Variants in CEMIP2 observed in about 807,000 individuals in gnomAD.
CEMIP2 encodes cell surface hyaluronidase CEMIP2.
CEMIP2 carries 79 observed loss-of-function variants against 146.9 expected under a neutral mutation model. That is an observed-to-expected ratio of 0.54 (90% CI 0.45 to 0.65). The LOEUF is 0.65. CEMIP2 is among the 30% of genes least tolerant of loss of function. CEMIP2 has a pLI of 0.00. For synonymous variants in CEMIP2, 601 were observed against 606.3 expected (o/e 0.99, Z 0.13); for missense variants, 1,596 against 1,696.2 (o/e 0.94, Z 1.04).
chr9:71,756,352 T>C (rs1044777281), intron 1 of CEMIP2, among the ~76,000 whole-genome samples: 1 of 151,404 alleles, frequency 6.6e-6, no homozygotes, highest in Non-Finnish European at 1.5e-5. Flanking sequence ...TATATGTATA[T>C]ACATACATGT....
intron 11 of CEMIP2, among the ~76,000 whole-genome samples, chr9:71,723,755 A>G (rs1489664622): frequency 2.0e-5 from 3 of 152,106 alleles, no homozygotes; most frequent in Non-Finnish European, 2.9e-5. Flanking sequence ...CAGCAGTTGA[A>G]GCCATAAGGA....
intron 1 of CEMIP2, 58 bp downstream of exon 1, chr9:71,768,299 G>A (rs1262405883): frequency 3.3e-5 from 5 of 149,324 alleles, no homozygotes; most frequent in Non-Finnish European, 7.4e-5. Context: ...AGTGGCCCCC[G>A]AGGGCAGCAA....
At chr9:71,736,786 A>G (rs1300247386) in intron 5 of CEMIP2, among the ~76,000 whole-genome samples, 1 of 152,214 alleles carries the variant, frequency 6.6e-6, no homozygotes, top group African/African-American at 2.4e-5. Flanking sequence ...ACTGACAGAG[A>G]AGGAAAACAT....
Position 71,730,175 on chromosome 9 carries a change from A to G in CEMIP2, c.1852T>C (p.Phe618Leu). 6.2e-7 allele frequency: 1 copy of G among 1,614,212 alleles called. No homozygotes were observed. The change falls in exon 9 of 24, where the codon TTC becomes CTC. Residue 618 changes from phenylalanine to leucine, a missense_variant. Transcript: ENST00000377044. Reference protein sequence around the residue: ...EDGIEQRNTLFHNLGLLTKPG... With the variant: ...EDGIEQRNTLLHNLGLLTKPG... ...TTGGTGAGGAGTCCCAGATTGTGGAACAAAGTATTCCTCTGTTCAATACCA... is the reference window on the plus strand; with the variant it reads ...TTGGTGAGGAGTCCCAGATTGTGGAGCAAAGTATTCCTCTGTTCAATACCA...
chr9:71,741,019 T>G (rs971734806), intron 4 of CEMIP2, among the ~76,000 whole-genome samples: 3 of 152,096 alleles, frequency 2.0e-5, no homozygotes, highest in African/African-American at 7.2e-5. Context: ...TGAAAACCCC[T>G]AAATTATAGA....
At chr9:71,700,880 T>TA in intron 18 of CEMIP2, 56 bp from the exon 19 acceptor site, 1 of 1,469,908 alleles carries the variant, frequency 6.8e-7, no homozygotes, top group Non-Finnish European at 9.2e-7. Context: ...ATCTGTTAAG[T>TA]ACTATAGCGT....
intron 1 of CEMIP2, among the ~76,000 whole-genome samples, chr9:71,752,535 T>C (rs1444493263): frequency 1.2e-5 from 1 of 82,446 alleles, no homozygotes; most frequent in African/African-American, 4.5e-5. Flanking sequence ...AGAGTTCTTA[T>C]TGCAATGACT....
intron 2 of CEMIP2, 82 bp from the exon 3 acceptor site, chr9:71,746,423 G>T: frequency 7.3e-6 from 11 of 1,512,734 alleles, no homozygotes; most frequent in Non-Finnish European, 9.9e-6. Context: ...ATTATTTACT[G>T]CAGATCTGCA....
At chr9:71,741,091 CCTT>C in intron 4 of CEMIP2, among the ~76,000 whole-genome samples, 1 of 151,940 alleles carries the variant, frequency 6.6e-6, no homozygotes, top group East Asian at 1.9e-4. Context: ...CTTCTTTTAT[CCTT>C]CTTCCTGACA....
At chr9:71,741,741 C>T (rs993780548) in intron 4 of CEMIP2, among the ~76,000 whole-genome samples, 1 of 142,640 alleles carries the variant, frequency 7.0e-6, no homozygotes, top group East Asian at 2.2e-4. Context: ...GGGGTTCAAG[C>T]GATTCTCCTG....
At chr9:71,751,046 T>G (rs1217592774) in intron 1 of CEMIP2, among the ~76,000 whole-genome samples, 1 of 152,236 alleles carries the variant, frequency 6.6e-6, no homozygotes, top group Non-Finnish European at 1.5e-5. Flanking sequence ...AGTATCCAGC[T>G]GGAATGTATG....
chr9:71,709,909 GA>G (rs1822857888), intron 16 of CEMIP2, among the ~76,000 whole-genome samples: 1 of 152,068 alleles, frequency 6.6e-6, no homozygotes. Flanking sequence ...ATATCTCAAT[GA>G]AATAAAAAAT....
At chr9:71,743,443 G>GA (rs201467742) in intron 4 of CEMIP2, among the ~76,000 whole-genome samples, 297 of 151,056 alleles carry the variant, frequency 2.0e-3, no homozygotes, top group Non-Finnish European at 2.5e-3. Flanking sequence ...AAACCAGAAA[G>GA]AAAAAAAAAC....
At chr9:71,748,144 C>G (rs1395065910) in intron 2 of CEMIP2, among the ~76,000 whole-genome samples, 1 of 152,092 alleles carries the variant, frequency 6.6e-6, no homozygotes, top group Non-Finnish European at 1.5e-5. Context: ...AGATCTGGAG[C>G]CTACTTCAAT....
At chr9:71,728,114 C>T (rs972124844) in intron 10 of CEMIP2, among the ~76,000 whole-genome samples, 2 of 148,036 alleles carry the variant, frequency 1.4e-5, no homozygotes, top group Non-Finnish European at 3.0e-5. Context: ...GACTGTAATC[C>T]TAAAACTTTG....
At chr9:71,696,671 T>C (rs538945011) in intron 20 of CEMIP2, among the ~76,000 whole-genome samples, 4 of 152,108 alleles carry the variant, frequency 2.6e-5, no homozygotes, top group East Asian at 3.9e-4. Flanking sequence ...CTCAGGAGGC[T>C]GAGGGAGGAG....
upstream of CEMIP2, chr9:71,768,676 T>A (rs1172282472): frequency 6.6e-6 from 1 of 151,806 alleles, no homozygotes; most frequent in Non-Finnish European, 1.5e-5. Context: ...GCTTTCTCCG[T>A]TCCTTCCCCT....
intron 21 of CEMIP2, 142 bp downstream of exon 21, chr9:71,694,367 C>A (rs1822328982): frequency 1.7e-6 from 1 of 595,716 alleles, no homozygotes; most frequent in East Asian, 3.1e-5. Context: ...TTATGATCTG[C>A]CCACCTTGGC....
rs555140921 is a variant in CEMIP2, at chr9:71,754,484, A to AT, written c.-12-4100dup. Among the ~76,000 whole-genome samples, 615 of 152,084 alleles carry AT rather than the reference A, an allele frequency of 4.0e-3. 1 individual carries two copies. Among genetic ancestry groups the AT allele is most frequent in the African/African-American group, 0.014 (600 of 41,500 alleles). On this transcript the variant is annotated intron_variant, in intron 1 of 23. Coordinates refer to ENST00000377044, the MANE Select transcript of CEMIP2 (RefSeq NM_013390.3). ...TAATACTCAGTTTGTATCACATGTT[A>AT]TTTTTTTTAAATGGTCGTATTTCTA...
Sources: allele counts gnomAD v4.1 joint callset (sites outside exome capture counted in the v4.1 genomes callset), GRCh38; gene constraint gnomAD v4.1.1; transcripts MANE v1.5; gene names NCBI Gene and HGNC (gene_info 2026-07-23, HGNC 2026-07-21).